CAMKMT: variants seen among roughly 807,000 people sequenced by gnomAD.
CAMKMT encodes the protein CaM KMT.
Under a neutral mutation model 48.0 loss-of-function variants are expected in CAMKMT, and 53 were observed. That is an observed-to-expected ratio of 1.10 (90% CI 0.89 to 1.39). The LOEUF is 1.39. Ranked by LOEUF, CAMKMT falls within the 40% of genes most tolerant of loss-of-function variation. The probability of loss-of-function intolerance (pLI) is 0.00; values close to 1 mark genes in which losing one functional copy is unlikely to be tolerated. For missense variants in CAMKMT, 428 were observed against 402.7 expected, an observed-to-expected ratio of 1.06 and a Z score of -0.54; for synonymous variants, 165 against 152.3, an observed-to-expected ratio of 1.08 and a Z score of -0.61.
At chr2:44,398,656 G>A (rs1338755548) in intron 3 of CAMKMT, among the ~76,000 whole-genome samples, 1 of 149,916 alleles carries the variant, frequency 6.7e-6, no homozygotes, top group East Asian at 2.0e-4. Context: ...CCTTCTCTAA[G>A]GTACTTCTCA....
At chr2:44,583,719 C>T (rs572764618) in intron 3 of CAMKMT, among the ~76,000 whole-genome samples, 2 of 152,020 alleles carry the variant, frequency 1.3e-5, no homozygotes, top group South Asian at 4.2e-4. Context: ...TGGCTTGAGC[C>T]CAGAAGTTCA....
chr2:44,374,507 A>G (rs980481395), intron 2 of CAMKMT, among the ~76,000 whole-genome samples: 2 of 152,198 alleles, frequency 1.3e-5, no homozygotes, highest in African/African-American at 2.4e-5. Context: ...AAAAGAGACA[A>G]TAAGTATAAA....
chr2:44,582,508 G>T (rs545144935), intron 3 of CAMKMT, among the ~76,000 whole-genome samples: 1 of 152,128 alleles, frequency 6.6e-6, no homozygotes, highest in Non-Finnish European at 1.5e-5. Flanking sequence ...AAGGTCAGTG[G>T]TTACCTGCTC....
rs145034158 is a variant in CAMKMT, at chr2:44,394,106, G to A, written c.376+3801G>A. Among the ~76,000 whole-genome samples, 156 of 152,140 alleles carry A rather than the reference G, an allele frequency of 1.0e-3. 1 individual carries two copies. The highest frequency in any genetic ancestry group is 3.5e-3 in the African/African-American group (146 of 41,494). On this transcript the variant is annotated intron_variant, in intron 3 of 10. Transcript: ENST00000378494. ...GTATGAACAGAAGTGTTAGTACTTC[G>A]TATAATTTATTATAAACTATGTACA...
intron 2 of CAMKMT, among the ~76,000 whole-genome samples, chr2:44,382,477 CTTTTTCTTTTTT>C (rs1240476509): frequency 4.0e-5 from 6 of 149,478 alleles, no homozygotes; most frequent in Non-Finnish European, 8.9e-5. Flanking sequence ...TTTTCTTTTT[CTTTTTCTTTTTT>C]TTTTTTTGAG....
chr2:44,501,279 C>T (rs698826), intron 3 of CAMKMT, among the ~76,000 whole-genome samples: 108,984 of 151,906 alleles, frequency 0.72, 39,661 homozygotes, highest in South Asian at 0.79. Context: ...TTTATAACCA[C>T]GTGTGGTATC....
At chr2:44,529,581 T>G (rs1175269767) in intron 3 of CAMKMT, among the ~76,000 whole-genome samples, 1 of 152,206 alleles carries the variant, frequency 6.6e-6, no homozygotes, top group Non-Finnish European at 1.5e-5. Flanking sequence ...GGGCTAGGGT[T>G]GCTTCTGAGG....
At chr2:44,718,556 T>G (rs1299049924) in intron 7 of CAMKMT, among the ~76,000 whole-genome samples, 1 of 152,234 alleles carries the variant, frequency 6.6e-6, no homozygotes, top group Non-Finnish European at 1.5e-5. Context: ...AGCAAGGATA[T>G]TTACAGTATC....
chr2:44,631,918 C>T (rs1319460649), intron 3 of CAMKMT, among the ~76,000 whole-genome samples: 4 of 151,846 alleles, frequency 2.6e-5, no homozygotes, highest in African/African-American at 9.7e-5. Context: ...TTATATTCAC[C>T]TTCACATAAT....
At chr2:44,416,568 ATT>A (rs34882377) in intron 3 of CAMKMT, among the ~76,000 whole-genome samples, 1,260 of 80,234 alleles carry the variant, frequency 0.016, 1 homozygote, top group Non-Finnish European at 0.021. Flanking sequence ...ACTTAGCATG[ATT>A]TTTTTTTTTT....
intron 6 of CAMKMT, 25 bp from the exon 7 acceptor site, chr2:44,715,262 A>G (rs144096336): frequency 8.4e-6 from 13 of 1,543,326 alleles, no homozygotes; most frequent in African/African-American, 1.4e-5. Flanking sequence ...ATCAGTGCAG[A>G]TGTTTTCTTA....
intron 3 of CAMKMT, among the ~76,000 whole-genome samples, chr2:44,402,978 GTTTCT>G (rs1274559502): frequency 2.4e-5 from 3 of 122,906 alleles, no homozygotes; most frequent in Non-Finnish European, 5.3e-5. Flanking sequence ...CGCTTTTTCT[GTTTCT>G]TTTCTTTGGT....
intron 3 of CAMKMT, among the ~76,000 whole-genome samples, chr2:44,544,439 C>G (rs1177747523): frequency 6.6e-6 from 1 of 152,152 alleles, no homozygotes; most frequent in Non-Finnish European, 1.5e-5. Context: ...AGGCCATTGT[C>G]TTTAAAGTGG....
chr2:44,579,860 C>G (rs562649328), intron 3 of CAMKMT, among the ~76,000 whole-genome samples: 1 of 151,520 alleles, frequency 6.6e-6, no homozygotes, highest in African/African-American at 2.4e-5. Flanking sequence ...GTCAGACATA[C>G]CCTTGTATAA....
rs150623221 is a variant in CAMKMT at position 44,733,102 on chromosome 2, A to G, written c.624-10520A>G. Among the ~76,000 whole-genome samples, 1,056 of 152,268 alleles carry G rather than the reference A, an allele frequency of 6.9e-3. 16 individuals carry two copies. The highest frequency in any genetic ancestry group is 0.024 in the African/African-American group (997 of 41,562). ...ATTCATTTTGCATCAATATTTGCAT[A>G]TGGTGTGAGATATAGATTGAAGTTC... On this transcript the variant is annotated intron_variant, in intron 7 of 10. Coordinates refer to ENST00000378494, the MANE Select transcript of CAMKMT (RefSeq NM_024766.5).
chr2:44,647,116 G>T (rs1673777701), intron 3 of CAMKMT, among the ~76,000 whole-genome samples: 2 of 152,150 alleles, frequency 1.3e-5, no homozygotes, highest in South Asian at 4.1e-4. Flanking sequence ...GGCTAACATG[G>T]TGAAACTATG....
At chr2:44,593,144 T>C (rs1221642560) in intron 3 of CAMKMT, among the ~76,000 whole-genome samples, 4 of 152,212 alleles carry the variant, frequency 2.6e-5, no homozygotes, top group Non-Finnish European at 4.4e-5. Context: ...GCAATATTTA[T>C]GTAGGGCAAA....
At chr2:44,667,609 A>T (rs1675070191) in intron 3 of CAMKMT, among the ~76,000 whole-genome samples, 1 of 152,114 alleles carries the variant, frequency 6.6e-6, no homozygotes, top group African/African-American at 2.4e-5. Context: ...GTAGTTTGTT[A>T]TTCCTCCCCG....
At chr2:44,692,650 C>T (rs1031996952) in intron 3 of CAMKMT, among the ~76,000 whole-genome samples, 3 of 151,968 alleles carry the variant, frequency 2.0e-5, no homozygotes, top group Non-Finnish European at 4.4e-5. Context: ...AATACCTTGC[C>T]CAAGATCACA....
Sources: allele counts gnomAD v4.1 joint callset (sites outside exome capture counted in the v4.1 genomes callset), GRCh38; gene constraint gnomAD v4.1.1; transcripts MANE v1.5; gene names NCBI Gene and HGNC (gene_info 2026-07-23, HGNC 2026-07-21).